ARHGAP30: variants seen among roughly 807,000 people sequenced by gnomAD.
ARHGAP30 encodes rho GTPase-activating protein 30.
Under a neutral mutation model 72.0 loss-of-function variants are expected in ARHGAP30, and 23 were observed. The ratio of observed to expected loss-of-function variants is 0.32; its 90% CI spans 0.23 to 0.45. The LOEUF is 0.45. ARHGAP30 is among the 20% of genes least tolerant of loss of function. The pLI is 1.00. For missense variants in ARHGAP30, 1,319 were observed against 1,383.4 expected (o/e 0.95, Z 0.74); for synonymous variants, 576 against 528.2 (o/e 1.09, Z -1.24).
intron 1 of ARHGAP30, among the ~76,000 whole-genome samples, chr1:161,066,644 CAAAAAAAAAAAAA>C (rs60662116): frequency 6.7e-5 from 5 of 75,082 alleles, no homozygotes; most frequent in Admixed American, 4.9e-4. Flanking sequence ...GACTGCATCT[CAAAAAAAAAAAAA>C]AAAAAAAAAA....
Position 161,052,561 on chromosome 1 carries a change from G to A in ARHGAP30, c.837-18C>T. 2 of 1,613,964 alleles carry A rather than the reference G, an allele frequency of 1.2e-6. No individual in the cohort carries two copies. The highest frequency in any genetic ancestry group is 1.7e-6 in the Non-Finnish European group (2 of 1,179,938). On this transcript the variant is annotated intron_variant, in intron 7 of 11. Transcript: ENST00000368013. ...CCTTCCTCCTACAAAGAATGGAGGG[G>A]CATAATTGGAGGTTGGAACATGAAG...
chr1:161,050,386 C>T (rs1457508144), intron 10 of ARHGAP30, among the ~76,000 whole-genome samples: 4 of 150,164 alleles, frequency 2.7e-5, no homozygotes, highest in Non-Finnish European at 5.9e-5. Context: ...GCAACCTCCA[C>T]CTCCTGGGTT....
chr1:161,048,806 C>T lies in ARHGAP30; in HGVS notation c.2215G>A (p.Gly739Arg), dbSNP rs753655862. The T allele has an allele frequency of 1.4e-5, 22 of 1,614,006 alleles. No homozygotes were observed. In the South Asian group the frequency reaches 2.4e-4, roughly 18 times the overall value. ...MEAKGVEEPG[G>R]DEYTDEKEKE... is the part of the protein sequence containing the mutation. ...TCCTTCTCATCTGTATACTCATCTC[C>T]TCCTGGTTCCTCCACACCTTTAGCC... Residue 739 changes from glycine to arginine, a missense_variant, in exon 12 of 12, where the codon GGA (glycine) becomes AGA (arginine). Physicochemically the swap from Gly to Arg is moderately radical, Grantham distance 125. This residue lies in a region of ARHGAP30 where 1,097 missense variants were observed against 1,045.2 expected (regional missense o/e 1.05). Transcript: ENST00000368013.
rs1376506823 is a variant in ARHGAP30 at position 161,064,797 on chromosome 1, AAG to A, written c.97+4729_97+4730del. ...AGAAAGAAAAAGAAAGAAAGAAAGA[AAG>A]AAAGAAAGAAAGAAAGAAAGAAAGA... On this transcript the variant is annotated intron_variant, in intron 1 of 11. Transcript: ENST00000368013. Among the ~76,000 whole-genome samples the A allele has an allele frequency of 7.3e-5, 5 of 68,888 alleles. No homozygotes were observed. The East Asian group carries it at 1.1e-3, about 15-fold the overall frequency. 45.2% of individuals were successfully genotyped at this position (68,888 alleles called of 152,430 possible).
chr1:161,054,137 A>G (rs1371051207), intron 5 of ARHGAP30, among the ~76,000 whole-genome samples: 1 of 152,192 alleles, frequency 6.6e-6, no homozygotes, highest in Non-Finnish European at 1.5e-5. Context: ...CACTGTAGGA[A>G]AACACAAAAG....
rs1172457394 is a variant in ARHGAP30, at chr1:161,054,489, G to A, written c.429-16C>T. ...CTCCAGGGTCCTGCAGAAAGCGGGGGCAGGGATCACACAGGGAATGCCCAG... is the reference window on the plus strand; with the variant it reads ...CTCCAGGGTCCTGCAGAAAGCGGGGACAGGGATCACACAGGGAATGCCCAG... On this transcript the variant is annotated splice_polypyrimidine_tract_variant and intron_variant, in intron 4 of 11. Coordinates refer to ENST00000368013, the MANE Select transcript of ARHGAP30 (RefSeq NM_001025598.2). The A allele has an allele frequency of 6.8e-6, 11 of 1,612,510 alleles. No homozygotes were observed. Among genetic ancestry groups the A allele is most frequent in the African/African-American group, 6.7e-5 (5 of 74,888 alleles).
In ARHGAP30 at chr1:161,059,640, C is replaced by G; in HGVS notation, c.174G>C (p.Gly58=). The change falls in exon 2 of 12, where the codon GGG becomes GGC. Residue 58 remains glycine (G), a synonymous_variant. Transcript: ENST00000368013. Reference sequence around the variant, plus strand: ...GAAGCTTCTGGATGTTGGAGGAGACCCCTGAGAGGCGGTAGATCCCATCCA... The same window carrying G: ...GAAGCTTCTGGATGTTGGAGGAGACGCCTGAGAGGCGGTAGATCCCATCCA... ...GVVDGIYRLS[G]VSSNIQKLRQ... 1.9e-6 allele frequency: 3 copies of G among 1,613,576 alleles called. No homozygotes were observed. The highest frequency in any genetic ancestry group is 2.5e-6 in the Non-Finnish European group (3 of 1,179,706).
intron 1 of ARHGAP30, among the ~76,000 whole-genome samples, chr1:161,061,038 T>C (rs892688850): frequency 1.3e-4 from 20 of 151,256 alleles, no homozygotes; most frequent in Non-Finnish European, 2.1e-4. Flanking sequence ...TACTTAACAC[T>C]CTACATAAGG....
chr1:161,048,789 A>T lies in ARHGAP30; in HGVS notation c.2232T>A (p.Asp744Glu), dbSNP rs1195063404. ...CTCTCTCAATTTCTTTTTCCTTCTCATCTGTATACTCATCTCCTCCTGGTT... is the reference window on the plus strand; with the variant it reads ...CTCTCTCAATTTCTTTTTCCTTCTCTTCTGTATACTCATCTCCTCCTGGTT... ...VEEPGGDEYT[D>E]EKEKEIEREE... Residue 744 changes from aspartate to glutamate, a missense_variant, in exon 12 of 12, where the codon GAT (aspartate) becomes GAA (glutamate). By Grantham distance (45) the Asp-to-Glu change is conservative (BLOSUM62 2). Transcript: ENST00000368013. The T allele has an allele frequency of 5.3e-5, 85 of 1,612,962 alleles. No individual in the cohort carries two copies. Among genetic ancestry groups the T allele is most frequent in the Non-Finnish European group, 7.2e-5 (85 of 1,179,806 alleles).
At chr1:161,050,435 A>G (rs1208419662) in intron 10 of ARHGAP30, among the ~76,000 whole-genome samples, 2 of 148,896 alleles carry the variant, frequency 1.3e-5, no homozygotes, top group Non-Finnish European at 3.0e-5. Context: ...AGTCTCTGGG[A>G]TTACAGGCAT....
chr1:161,054,828 C>G, intron 3 of ARHGAP30, 123 bp from the exon 4 acceptor site: 3 of 830,620 alleles, frequency 3.6e-6, no homozygotes, highest in South Asian at 1.5e-5. Flanking sequence ...CCCCATCCTA[C>G]ATCATCTGCG....
chr1:161,053,420 C>T, intron 5 of ARHGAP30, 35 bp from the exon 6 acceptor site: 4 of 1,601,654 alleles, frequency 2.5e-6, no homozygotes, highest in African/African-American at 2.7e-5. Flanking sequence ...CCCCTCAGCC[C>T]CACCAAACTT....
Position 161,048,572 on chromosome 1 carries a change from C to T in ARHGAP30, c.2449G>A (p.Gly817Ser). The T allele has an allele frequency of 6.2e-7, 1 of 1,614,080 alleles. No individual in the cohort carries two copies. Among genetic ancestry groups the T allele is most frequent in the Non-Finnish European group, 8.5e-7 (1 of 1,180,010 alleles). ...YHEARKDQGDGEDSRSPEAAT... is the reference protein window; with the variant it reads ...YHEARKDQGDSEDSRSPEAAT... The stretch of plus-strand genomic sequence containing the variant: ...GCTTCTGGGCTTCTGCTGTCTTCAC[C>T]ATCTCCTTGGTCTTTTCTTGCTTCA... Residue 817 changes from glycine (G) to serine (S), a missense_variant, in exon 12 of 12, where the codon GGT (glycine) becomes AGT (serine). Physicochemically the swap from Gly to Ser is moderately conservative, Grantham distance 56. This residue lies in a region of ARHGAP30 where 1,097 missense variants were observed against 1,045.2 expected (regional missense o/e 1.05). Coordinates refer to ENST00000368013, the MANE Select transcript of ARHGAP30 (RefSeq NM_001025598.2).
chr1:161,069,476 G>T lies in ARHGAP30; in HGVS notation c.97+52C>A. The T allele has an allele frequency of 6.4e-7, 1 of 1,561,838 alleles. No homozygotes were observed. Reference sequence around the variant, plus strand: ...GCCCTTCAGGCTGGATCGGGCTGCAGATGCCCAGTGCCTCCCCACCCACCC... The same window carrying T: ...GCCCTTCAGGCTGGATCGGGCTGCATATGCCCAGTGCCTCCCCACCCACCC... On this transcript the variant is annotated intron_variant, in intron 1 of 11. Transcript: ENST00000368013. This position sits in a 1 kb window ranked among gnomAD's most constrained non-coding sequence, Gnocchi z 4.9.
chr1:161,050,712 C>G (rs1449871307), intron 10 of ARHGAP30, among the ~76,000 whole-genome samples: 3 of 151,920 alleles, frequency 2.0e-5, no homozygotes, highest in Non-Finnish European at 4.4e-5. Context: ...GTGATCTCGG[C>G]TCGCTGCAGC....
intron 2 of ARHGAP30, among the ~76,000 whole-genome samples, chr1:161,057,298 C>A (rs1651948295): frequency 6.6e-6 from 1 of 151,924 alleles, no homozygotes; most frequent in Admixed American, 6.6e-5. Context: ...GGACTACAGG[C>A]ACCCACCACC....
In ARHGAP30 at chr1:161,047,057, C is replaced by T. The variant is rs151217547; in HGVS notation, c.*658G>A. On this transcript the variant is annotated 3_prime_UTR_variant, in exon 12 of 12. Transcript: ENST00000368013. ...GGCCTGAGTGACACCATTTCCCTTT[C>T]CTGAAATAGGAACAAGTTATTCCAA... The T allele has an allele frequency of 2.3e-4, 106 of 453,982 alleles. 1 individual carries two copies. The highest frequency in any genetic ancestry group is 2.0e-3 in the African/African-American group (96 of 48,944). The allele number at this position is 453,982 out of a possible 1,614,324, so 28.1% of individuals were successfully genotyped here.
intron 1 of ARHGAP30, among the ~76,000 whole-genome samples, chr1:161,067,984 G>A (rs114576685): frequency 2.6e-4 from 28 of 108,296 alleles, no homozygotes; most frequent in African/African-American, 1.1e-3. Context: ...CCTAGGATCA[G>A]GATTCAGCAA....
In ARHGAP30 at chr1:161,048,448, T is replaced by C. The variant is rs747682410; in HGVS notation, c.2573A>G (p.Glu858Gly). Reference sequence around the variant, plus strand: ...ACCTGAACCTTCAGAGAGGGTGTCCTCTTCTAAATAGTACCCTCCAGCCCT... The same window carrying C: ...ACCTGAACCTTCAGAGAGGGTGTCCCCTTCTAAATAGTACCCTCCAGCCCT... Reference protein sequence around the residue: ...DQRAGGYYLEEDTLSEGSGVA... With the variant: ...DQRAGGYYLEGDTLSEGSGVA... Residue 858 changes from glutamate (E) to glycine (G), a missense_variant, in exon 12 of 12, where the codon GAG (glutamate) becomes GGG (glycine). Coordinates refer to ENST00000368013, the MANE Select transcript of ARHGAP30 (RefSeq NM_001025598.2). 5.6e-6 allele frequency: 9 copies of C among 1,614,004 alleles called. No individual in the cohort carries two copies. The African/African-American group carries it at 1.2e-4, about 22-fold the overall frequency.
Sources: allele counts gnomAD v4.1 joint callset (sites outside exome capture counted in the v4.1 genomes callset), GRCh38; gene constraint gnomAD v4.1.1; regional missense constraint gnomAD v4.1.1; non-coding constraint Gnocchi (gnomAD v3.1); transcripts MANE v1.5; gene names NCBI Gene and HGNC (gene_info 2026-07-23, HGNC 2026-07-21).